Variants in GADL1 observed in about 807,000 individuals in gnomAD.
GADL1 encodes GAD like acidic amino acid decarboxylase 1, also known as acidic amino acid decarboxylase GADL1.
A neutral mutation model predicts 69.5 loss-of-function variants in GADL1; 71 were observed. That is an observed-to-expected ratio of 1.02 (90% CI 0.84 to 1.25). The LOEUF (loss-of-function observed/expected upper bound fraction) is 1.25. Among genes scored for constraint, GADL1 ranks in the 50% most tolerant of loss-of-function variants. The pLI, the probability that GADL1 is intolerant of heterozygous loss-of-function variation, is 0.00. For synonymous variants in GADL1, 254 were observed against 214.4 expected (o/e 1.18, Z -1.62); for missense variants, 737 against 631.8 (o/e 1.17, Z -1.79).
In GADL1 at chr3:30,728,164, T is replaced by A. The variant is rs1383159828; in HGVS notation, c.*78A>T. On this transcript the variant is annotated 3_prime_UTR_variant, in exon 15 of 15. Coordinates refer to ENST00000282538, the MANE Select transcript of GADL1 (RefSeq NM_207359.3). ...ATTTCTCATCAGAAGGGCTGCAATC[T>A]ACTGTGTATCTCCAAGATGTTCTGG... The A allele has an allele frequency of 2.3e-6, 3 of 1,287,912 alleles. No individual in the cohort carries two copies. Among genetic ancestry groups the A allele is most frequent in the Non-Finnish European group, 3.3e-6 (3 of 898,656 alleles). 79.8% of individuals were successfully genotyped at this position (1,287,912 alleles called of 1,614,324 possible). A position where few individuals can be genotyped will look rare whatever the true frequency, so the allele number is the denominator to read the frequency against.
At chr3:30,755,325 T>TA (rs751914555) in intron 14 of GADL1, among the ~76,000 whole-genome samples, 6 of 152,046 alleles carry the variant, frequency 3.9e-5, no homozygotes, top group Non-Finnish European at 8.8e-5. Context: ...ATAGCAACAA[T>TA]AAATGGAGAG....
intron 14 of GADL1, among the ~76,000 whole-genome samples, chr3:30,772,614 T>A (rs1696441619): frequency 6.6e-6 from 1 of 152,148 alleles, no homozygotes; most frequent in Non-Finnish European, 1.5e-5. Context: ...CGGTGGCTCA[T>A]GTCTGTAATC....
chr3:30,797,125 C>G (rs984233695), intron 12 of GADL1, among the ~76,000 whole-genome samples: 2 of 152,158 alleles, frequency 1.3e-5, no homozygotes, highest in African/African-American at 4.8e-5. Context: ...ATTGGTTTGC[C>G]TTCTTGGCCT....
At chr3:30,891,032 T>TCTTC (rs59987855) in intron 1 of GADL1, among the ~76,000 whole-genome samples, 14,576 of 150,256 alleles carry the variant, frequency 0.097, 988 homozygotes, top group Admixed American at 0.22. Context: ...TACTTTGCAT[T>TCTTC]CTTCCTTCCT....
intron 12 of GADL1, among the ~76,000 whole-genome samples, chr3:30,791,407 A>G (rs1696911995): frequency 6.6e-6 from 1 of 152,188 alleles, no homozygotes; most frequent in Admixed American, 6.5e-5. Context: ...TTGTGAGTCT[A>G]GGCAAATTCC....
At chr3:30,737,912 G>A (rs1040355859) in intron 14 of GADL1, among the ~76,000 whole-genome samples, 2 of 152,106 alleles carry the variant, frequency 1.3e-5, no homozygotes, top group Non-Finnish European at 2.9e-5. Context: ...AACACAGTGA[G>A]CTTCACATTT....
chr3:30,803,025 G>A lies in GADL1; in HGVS notation c.1051-1937C>T, dbSNP rs1697192617. Among the ~76,000 whole-genome samples, 5 of 152,162 alleles carry A rather than the reference G, an allele frequency of 3.3e-5. No homozygotes were observed. The South Asian group carries it at 6.2e-4, about 19-fold the overall frequency. ...GAAGATCACTTGAGCCCATGAGGTC[G>A]AAGCTGCAGTGAGCTGTGAGCACAC... On this transcript the variant is annotated intron_variant, in intron 11 of 14. Transcript: ENST00000282538.
intron 12 of GADL1, among the ~76,000 whole-genome samples, chr3:30,790,864 A>ACTAC (rs1696898025): frequency 6.6e-6 from 1 of 152,194 alleles, no homozygotes; most frequent in South Asian, 2.1e-4. Context: ...TGCGGACTAT[A>ACTAC]GCAACATAAT....
chr3:30,875,784 C>T lies in GADL1; in HGVS notation c.38-14019G>A, dbSNP rs937229554. On this transcript the variant is annotated intron_variant, in intron 1 of 14. Coordinates refer to ENST00000282538, the MANE Select transcript of GADL1 (RefSeq NM_207359.3). The stretch of plus-strand genomic sequence containing the variant: ...GCCCAGCCTCTCTGAAGTCAAATGC[C>T]GTGATGGGTAGATACAGACATACCA... Among the ~76,000 whole-genome samples the T allele has an allele frequency of 5.9e-5, 9 of 151,802 alleles. No individual in the cohort carries two copies. In the South Asian group the frequency reaches 6.2e-4, roughly 11 times the overall value.
At chr3:30,743,072 A>C (rs967988559) in intron 14 of GADL1, among the ~76,000 whole-genome samples, 2 of 151,868 alleles carry the variant, frequency 1.3e-5, no homozygotes, top group Non-Finnish European at 2.9e-5. Context: ...TGCTACATAA[A>C]TTTTTTTCAA....
intron 14 of GADL1, among the ~76,000 whole-genome samples, chr3:30,771,635 G>A (rs1282471459): frequency 6.6e-6 from 1 of 151,788 alleles, no homozygotes; most frequent in Non-Finnish European, 1.5e-5. Context: ...TATAAATTCT[G>A]TAGCATAAGG....
At chr3:30,831,881 G>A (rs1300840436) in intron 11 of GADL1, among the ~76,000 whole-genome samples, 3 of 151,860 alleles carry the variant, frequency 2.0e-5, no homozygotes, top group Non-Finnish European at 2.9e-5. Context: ...ATTTGTTAGT[G>A]CACTTATCAA....
intron 11 of GADL1, among the ~76,000 whole-genome samples, chr3:30,832,142 G>A (rs1697803016): frequency 1.3e-5 from 2 of 151,686 alleles, no homozygotes; most frequent in Admixed American, 1.3e-4. Context: ...TAAACTGATT[G>A]CCACATCTCA....
At chr3:30,772,673 G>A (rs947820561) in intron 14 of GADL1, among the ~76,000 whole-genome samples, 1 of 152,114 alleles carries the variant, frequency 6.6e-6, no homozygotes, top group Non-Finnish European at 1.5e-5. Flanking sequence ...TCAGGAGTTT[G>A]AGACCAGCCT....
In GADL1 at chr3:30,791,425, T is replaced by C. The variant is rs138019398; in HGVS notation, c.1251-5019A>G. 2.4e-4 allele frequency among the ~76,000 whole-genome samples: 36 copies of C among 152,256 alleles called. No homozygotes were observed. The East Asian group carries it at 6.9e-3, about 29-fold the overall frequency. ...TGAGTCTAGGCAAATTCCTAAGCCT[T>C]CCTGAGCCTGCCTCCACTTCCTCAT... On this transcript the variant is annotated intron_variant, in intron 12 of 14. Transcript: ENST00000282538.
chr3:30,776,122 G>T (rs1696531475), intron 14 of GADL1, among the ~76,000 whole-genome samples: 1 of 152,128 alleles, frequency 6.6e-6, no homozygotes, highest in Non-Finnish European at 1.5e-5. Flanking sequence ...TTTGAGATTA[G>T]CTTATATATC....
intron 11 of GADL1, among the ~76,000 whole-genome samples, chr3:30,816,397 T>A (rs953467232): frequency 1.3e-5 from 2 of 151,940 alleles, no homozygotes; most frequent in Non-Finnish European, 2.9e-5. Context: ...TTAAAATCCC[T>A]CCATATGTGA....
chr3:30,778,351 T>A, intron 13 of GADL1, 83 bp from the exon 14 acceptor site: 1 of 870,428 alleles, frequency 1.1e-6, no homozygotes. Context: ...TCTTAGCTAG[T>A]TTCTTCAAGA....
intron 1 of GADL1, among the ~76,000 whole-genome samples, chr3:30,873,191 A>G (rs559625388): frequency 6.6e-6 from 1 of 152,122 alleles, no homozygotes; most frequent in East Asian, 1.9e-4. Flanking sequence ...AAACAAAAAT[A>G]TAATTGCACT....
Sources: gnomAD v4.1 joint callset for allele counts (sites outside exome capture counted in the v4.1 genomes callset) on GRCh38, gnomAD v4.1.1 for gene constraint, MANE v1.5 for transcripts, NCBI Gene and HGNC (gene_info 2026-07-23, HGNC 2026-07-21) for gene names.